Variants in SLC44A3 observed in about 807,000 individuals in gnomAD.
SLC44A3 encodes choline transporter-like protein 3.
Under a neutral mutation model 75.4 loss-of-function variants are expected in SLC44A3, and 74 were observed. That is an observed-to-expected ratio of 0.98 (90% CI 0.81 to 1.19). The LOEUF (loss-of-function observed/expected upper bound fraction) is 1.19, where lower values mean the gene tolerates loss of function less well. Ranked by LOEUF, SLC44A3 falls within the 50% of genes most tolerant of loss-of-function variation. The probability of loss-of-function intolerance (pLI) is 0.00; values close to 1 mark genes in which losing one functional copy is unlikely to be tolerated. For missense variants in SLC44A3, 700 were observed against 778.6 expected (o/e 0.90, Z 1.20); for synonymous variants, 310 against 296.9 (o/e 1.04, Z -0.45).
intron 12 of SLC44A3, among the ~76,000 whole-genome samples, chr1:94,883,444 T>C (rs1022097758): frequency 6.6e-6 from 1 of 152,108 alleles, no homozygotes; most frequent in African/African-American, 2.4e-5. Context: ...AGGTTGAGGC[T>C]GTAGTGAGCC....
chr1:94,850,150 G>A (rs1665019161), intron 9 of SLC44A3, among the ~76,000 whole-genome samples: 1 of 152,002 alleles, frequency 6.6e-6, no homozygotes, highest in African/African-American at 2.4e-5. Context: ...TCTAATGACT[G>A]TTAATCATTC....
At chr1:94,834,778 C>G (rs537896793) in intron 5 of SLC44A3, among the ~76,000 whole-genome samples, 2 of 152,344 alleles carry the variant, frequency 1.3e-5, no homozygotes, top group Admixed American at 1.3e-4. Context: ...AGCCACTGCT[C>G]CCGGTGAAAG....
intron 12 of SLC44A3, among the ~76,000 whole-genome samples, chr1:94,883,883 T>C (rs1194072068): frequency 1.3e-5 from 2 of 152,138 alleles, no homozygotes; most frequent in East Asian, 1.9e-4. Flanking sequence ...TTCATTATCG[T>C]AGCGCATGCT....
chr1:94,840,557 T>A (rs1443387178), intron 7 of SLC44A3, among the ~76,000 whole-genome samples: 1 of 152,140 alleles, frequency 6.6e-6, no homozygotes, highest in Non-Finnish European at 1.5e-5. Flanking sequence ...CCCAAAGTGC[T>A]GGGATTACAG....
In SLC44A3 at chr1:94,847,220, G is replaced by T. The variant is rs79092109; in HGVS notation, c.1072+1756G>T. Among the ~76,000 whole-genome samples, 1,906 of 152,334 alleles carry T rather than the reference G, an allele frequency of 0.013. 95 individuals are homozygous for T. The East Asian group carries it at 0.16, about 13-fold the overall frequency. On this transcript the variant is annotated intron_variant, in intron 9 of 14. Coordinates refer to ENST00000271227, the MANE Select transcript of SLC44A3 (RefSeq NM_001114106.3). ...CACACAGATGAAGTCCACATGGAGA[G>T]GATCCATGCCAGCCTAGTTCTCTAG...
chr1:94,839,886 T>C lies in SLC44A3; in HGVS notation c.671-62T>C, dbSNP rs763117845. ...CTGGAGGGTTTTGTCATCGCAGTAC[T>C]ACCATCATCTCCCCTATCCTTTGTT... is the stretch of plus-strand genomic sequence containing the variant. On this transcript the variant is annotated intron_variant, in intron 6 of 14. Transcript: ENST00000271227. 2.0e-4 allele frequency: 245 copies of C among 1,211,682 alleles called. 1 individual carries two copies. Among genetic ancestry groups the C allele is most frequent in the Non-Finnish European group, 2.8e-4 (224 of 813,682 alleles). 75.1% of individuals were successfully genotyped at this position (1,211,682 alleles called of 1,614,324 possible).
chr1:94,854,003 A>G lies in SLC44A3; in HGVS notation c.1073-3332A>G, dbSNP rs187568404. 1.8e-3 allele frequency among the ~76,000 whole-genome samples: 268 copies of G among 152,208 alleles called. 1 individual carries two copies. The highest frequency in any genetic ancestry group is 3.2e-3 in the Non-Finnish European group (216 of 68,010). The stretch of plus-strand genomic sequence containing the variant: ...TCTACCTATATCTCATTTATAGCTA[A>G]CCCTGTGTGGCACTCACTGTAGCTG... On this transcript the variant is annotated intron_variant, in intron 9 of 14. Transcript: ENST00000271227.
intron 5 of SLC44A3, among the ~76,000 whole-genome samples, chr1:94,830,731 C>T (rs545984554): frequency 3.3e-5 from 5 of 152,142 alleles, no homozygotes; most frequent in African/African-American, 7.2e-5. Flanking sequence ...GATGTAACTA[C>T]GGATGGAATT....
In SLC44A3 at chr1:94,848,865, TC is replaced by T. The variant is rs201050925; in HGVS notation, c.1072+3402del. On this transcript the variant is annotated intron_variant, in intron 9 of 14. Transcript: ENST00000271227. ...CCCATGCTGTGAGTCAGGGAGGGCT[TC>T]TTAGAGGGCAGGCTGGAAATCGCCA... Among the ~76,000 whole-genome samples, 824 of 152,162 alleles carry T rather than the reference TC, an allele frequency of 5.4e-3. 9 individuals carry two copies. The highest frequency in any genetic ancestry group is 0.019 in the African/African-American group (785 of 41,500).
intron 6 of SLC44A3, 57 bp downstream of exon 6, chr1:94,837,928 C>T: frequency 1.4e-6 from 2 of 1,406,066 alleles, no homozygotes; most frequent in Non-Finnish European, 1.9e-6. Context: ...AAGTTCCTAG[C>T]ATTTTATATG....
At chr1:94,867,672 T>G (rs1382629564) in intron 12 of SLC44A3, among the ~76,000 whole-genome samples, 1 of 152,224 alleles carries the variant, frequency 6.6e-6, no homozygotes, top group African/African-American at 2.4e-5. Flanking sequence ...AATTTGAATT[T>G]CATATGATTT....
intron 12 of SLC44A3, among the ~76,000 whole-genome samples, chr1:94,889,958 C>G (rs1372198428): frequency 6.6e-6 from 1 of 152,048 alleles, no homozygotes; most frequent in African/African-American, 2.4e-5. Flanking sequence ...TCAAGCAATT[C>G]TCCTGCCTCA....
intron 12 of SLC44A3, among the ~76,000 whole-genome samples, chr1:94,867,978 A>G (rs1255389947): frequency 6.6e-6 from 1 of 152,228 alleles, no homozygotes; most frequent in Non-Finnish European, 1.5e-5. Flanking sequence ...TCTAAGAACT[A>G]TAATTTTCCT....
Position 94,890,139 on chromosome 1 carries a change from G to A in SLC44A3, c.1483-991G>A, listed in dbSNP as rs533928479. On this transcript the variant is annotated intron_variant, in intron 12 of 14. Transcript: ENST00000271227. The stretch of plus-strand genomic sequence containing the variant: ...TGTTGGGATTACAGGCATGAGCCAC[G>A]GCACCTGGCCTATTTCTAGAATTTC... Among the ~76,000 whole-genome samples the A allele has an allele frequency of 4.8e-3, 734 of 152,180 alleles. 6 individuals are homozygous for A. The highest frequency in any genetic ancestry group is 0.016 in the African/African-American group (662 of 41,548).
intron 12 of SLC44A3, among the ~76,000 whole-genome samples, chr1:94,868,533 C>T (rs139997748): frequency 5.3e-5 from 8 of 152,226 alleles, no homozygotes; most frequent in Non-Finnish European, 8.8e-5. Context: ...ACCATAGGAC[C>T]TTTCAGAATG....
chr1:94,823,341 A>G (rs1216637223), intron 2 of SLC44A3, among the ~76,000 whole-genome samples: 1 of 152,218 alleles, frequency 6.6e-6, no homozygotes, highest in Non-Finnish European at 1.5e-5. Context: ...CCTTTAGGTA[A>G]AGGGTGAGTG....
chr1:94,836,274 T>C (rs567061833), intron 5 of SLC44A3, among the ~76,000 whole-genome samples: 1 of 152,336 alleles, frequency 6.6e-6, no homozygotes, highest in African/African-American at 2.4e-5. Context: ...AACAGGACCC[T>C]GTGAAGGTAT....
intron 9 of SLC44A3, among the ~76,000 whole-genome samples, chr1:94,853,448 G>C (rs995770886): frequency 9.2e-5 from 14 of 152,242 alleles, no homozygotes; most frequent in Admixed American, 6.5e-5. Flanking sequence ...TTTTCTTAAA[G>C]ATGGGAGATA....
At chr1:94,847,038 C>G (rs1227347921) in intron 9 of SLC44A3, among the ~76,000 whole-genome samples, 2 of 152,232 alleles carry the variant, frequency 1.3e-5, no homozygotes, top group Non-Finnish European at 2.9e-5. Flanking sequence ...TAGGGGCTCC[C>G]TGGAAGCTCG....
Sources: allele counts gnomAD v4.1 joint callset (sites outside exome capture counted in the v4.1 genomes callset), GRCh38; gene constraint gnomAD v4.1.1; transcripts MANE v1.5; gene names NCBI Gene and HGNC (gene_info 2026-07-23, HGNC 2026-07-21).